The following ARHGAP32 variants were observed in gnomAD, a reference collection of about 807,000 sequenced individuals.
ARHGAP32 encodes Rho GTPase activating protein 32, also known as rho GTPase-activating protein 32.
In ARHGAP32, 51 loss-of-function variants were observed where a neutral mutation model predicts 186.5. The observed-to-expected ratio is 0.27, with a 90% CI of 0.22 to 0.35. ARHGAP32 has a LOEUF of 0.35. ARHGAP32 is among the 10% of genes least tolerant of loss of function. The pLI, the probability that ARHGAP32 is intolerant of heterozygous loss-of-function variation, is 1.00. For synonymous variants in ARHGAP32, 950 were observed against 964.3 expected (o/e 0.99, Z 0.27); for missense variants, 2,186 against 2,623.5 (o/e 0.83, Z 3.64).
At chr11:129,005,618 T>C (rs891718641) in intron 11 of ARHGAP32, among the ~76,000 whole-genome samples, 2 of 152,232 alleles carry the variant, frequency 1.3e-5, no homozygotes, top group Non-Finnish European at 2.9e-5. Context: ...AAAAGTCTGC[T>C]GCCAGATATA....
chr11:129,051,272 G>A (rs1026883997), intron 10 of ARHGAP32, among the ~76,000 whole-genome samples: 22 of 152,172 alleles, frequency 1.4e-4, no homozygotes, highest in East Asian at 3.9e-4. Flanking sequence ...GTGTAAAAGC[G>A]TTCCTATTTC....
intron 1 of ARHGAP32, among the ~76,000 whole-genome samples, chr11:129,169,356 G>A (rs906745611): frequency 6.6e-6 from 1 of 152,120 alleles, no homozygotes; most frequent in East Asian, 1.9e-4. Context: ...GCTGGGCTGG[G>A]CATGGTGGCT....
At chr11:128,983,398 A>T (rs570902449) in intron 15 of ARHGAP32, among the ~76,000 whole-genome samples, 1 of 152,030 alleles carries the variant, frequency 6.6e-6, no homozygotes, top group Non-Finnish European at 1.5e-5. Flanking sequence ...GCAAGGACAA[A>T]AAACCAAACA....
At chr11:129,101,432 C>T (rs1941895632) in intron 5 of ARHGAP32, among the ~76,000 whole-genome samples, 1 of 152,122 alleles carries the variant, frequency 6.6e-6, no homozygotes, top group African/African-American at 2.4e-5. Flanking sequence ...CACTAAAACC[C>T]AATCCAAGGA....
chr11:129,062,030 T>A (rs890663878), intron 10 of ARHGAP32, among the ~76,000 whole-genome samples: 35 of 152,160 alleles, frequency 2.3e-4, no homozygotes, highest in Admixed American at 4.6e-4. Flanking sequence ...AAAGTGGCCA[T>A]GAGGTCTGAG....
intron 11 of ARHGAP32, among the ~76,000 whole-genome samples, chr11:128,999,001 T>C (rs1219591219): frequency 6.6e-6 from 1 of 152,234 alleles, no homozygotes; most frequent in Non-Finnish European, 1.5e-5. Context: ...GTATGAACAA[T>C]ATGAAATCTG....
chr11:128,983,549 C>T (rs1297026129), intron 15 of ARHGAP32, among the ~76,000 whole-genome samples: 4 of 151,480 alleles, frequency 2.6e-5, no homozygotes, highest in African/African-American at 7.3e-5. Context: ...ATGTAAATGA[C>T]GAGTTAATGG....
chr11:129,220,655 C>A (rs1051845154), intron 1 of ARHGAP32, among the ~76,000 whole-genome samples: 1 of 152,112 alleles, frequency 6.6e-6, no homozygotes, highest in African/African-American at 2.4e-5. Flanking sequence ...CAATGACCTG[C>A]AAAGCAATTA....
intron 1 of ARHGAP32, among the ~76,000 whole-genome samples, chr11:129,221,014 A>C (rs759762077): frequency 8.5e-5 from 13 of 152,094 alleles, no homozygotes; most frequent in Non-Finnish European, 1.5e-4. Context: ...TCCCTTGGTG[A>C]TTCTAATGTG....
intron 1 of ARHGAP32, among the ~76,000 whole-genome samples, chr11:129,261,648 C>T (rs1945321875): frequency 6.6e-6 from 1 of 152,190 alleles, no homozygotes; most frequent in South Asian, 2.1e-4. Flanking sequence ...TGTTAAACAA[C>T]TTGGTGCTGA....
At chr11:129,197,024 T>C (rs1160360098), upstream of ARHGAP32, among the ~76,000 whole-genome samples, 8 of 152,138 alleles carry the variant, frequency 5.3e-5, no homozygotes, top group Non-Finnish European at 1.0e-4. Context: ...GCCACTGCAC[T>C]TCAGCCTGGG....
In ARHGAP32 at chr11:128,972,578, G is replaced by A. The variant is rs778965316; in HGVS notation, c.3928C>T (p.Leu1310Phe). The A allele has an allele frequency of 1.2e-6, 2 of 1,601,748 alleles. No homozygotes were observed. The highest frequency in any genetic ancestry group is 1.7e-6 in the Non-Finnish European group (2 of 1,172,854). ...CGATTAGTTCTGTGCGTGCGCTGAA[G>A]TGTGGCAGCAGCAAAATCAGCAGTG... ...PTTADFAAAT[L>F]QRTHRTNRPL... Residue 1310 changes from leucine to phenylalanine, a missense_variant, in exon 22 of 23, where the codon CTT (leucine) becomes TTT (phenylalanine). Leu to Phe is a conservative substitution (Grantham distance 22, BLOSUM62 0). Coordinates refer to ENST00000682385, the MANE Select transcript of ARHGAP32 (RefSeq NM_001378024.1).
At chr11:129,107,332 A>G (rs1942076301) in intron 5 of ARHGAP32, among the ~76,000 whole-genome samples, 1 of 152,212 alleles carries the variant, frequency 6.6e-6, no homozygotes, top group African/African-American at 2.4e-5. Context: ...AGTTCTTAAC[A>G]TTGATATAAA....
At chr11:129,108,853 G>A (rs983942984) in intron 5 of ARHGAP32, among the ~76,000 whole-genome samples, 16 of 152,186 alleles carry the variant, frequency 1.1e-4, no homozygotes, top group Middle Eastern at 3.4e-3. Context: ...CACAGAAAGC[G>A]TCATTACCAA....
intron 10 of ARHGAP32, among the ~76,000 whole-genome samples, chr11:129,054,223 C>G (rs1940164494): frequency 6.6e-6 from 1 of 152,158 alleles, no homozygotes; most frequent in South Asian, 2.1e-4. Context: ...CTGTCACTCT[C>G]TAAGTGAGAT....
chr11:129,234,165 G>A (rs1385220452), intron 1 of ARHGAP32, among the ~76,000 whole-genome samples: 5 of 151,916 alleles, frequency 3.3e-5, no homozygotes, highest in African/African-American at 1.2e-4. Flanking sequence ...AGAGATTACT[G>A]ACAAACTATC....
chr11:129,261,108 T>A (rs976692034), intron 1 of ARHGAP32, among the ~76,000 whole-genome samples: 1 of 152,046 alleles, frequency 6.6e-6, no homozygotes, highest in Non-Finnish European at 1.5e-5. Flanking sequence ...ATTTTTTTTT[T>A]AACTTTAATG....
intron 1 of ARHGAP32, among the ~76,000 whole-genome samples, chr11:129,182,646 CT>C (rs982648182): frequency 3.6e-4 from 52 of 144,348 alleles, no homozygotes; most frequent in South Asian, 6.6e-4. Flanking sequence ...TTTCTATTAC[CT>C]TTTTTTTTTT....
At chr11:129,034,943 G>A (rs539117857) in intron 11 of ARHGAP32, among the ~76,000 whole-genome samples, 233 of 151,294 alleles carry the variant, frequency 1.5e-3, no homozygotes, top group Non-Finnish European at 2.3e-3. Flanking sequence ...AAGAGAATTC[G>A]GAAAAAGAAA....
Sources: gnomAD v4.1 joint callset for allele counts (sites outside exome capture counted in the v4.1 genomes callset) on GRCh38, gnomAD v4.1.1 for gene constraint, MANE v1.5 for transcripts, NCBI Gene and HGNC (gene_info 2026-07-23, HGNC 2026-07-21) for gene names.